SS18: variants seen among roughly 807,000 people sequenced by gnomAD.
SS18 encodes the protein SS18 subunit of BAF chromatin remodeling complex, also known as protein SSXT.
A neutral mutation model predicts 72.5 loss-of-function variants in SS18; 28 were observed. The ratio of observed to expected loss-of-function variants is 0.39; its 90% CI spans 0.29 to 0.53. The LOEUF (loss-of-function observed/expected upper bound fraction) is 0.53. Ranked by LOEUF, SS18 falls within the 20% of genes least tolerant of loss-of-function variation. The probability of loss-of-function intolerance (pLI) is 0.76; values close to 1 mark genes in which losing one functional copy is unlikely to be tolerated. For missense variants in SS18, 518 were observed against 535.3 expected (o/e 0.97, Z 0.32); for synonymous variants, 172 against 164.2 (o/e 1.05, Z -0.37).
chr18:26,074,378 A>C (rs2054371441), intron 3 of SS18, among the ~76,000 whole-genome samples: 1 of 151,952 alleles, frequency 6.6e-6, no homozygotes, highest in Non-Finnish European at 1.5e-5. Context: ...AAAATCTGAA[A>C]AGGCTATTAA....
chr18:26,049,483 G>A (rs2053884900), intron 5 of SS18, among the ~76,000 whole-genome samples: 1 of 152,154 alleles, frequency 6.6e-6, no homozygotes, highest in Non-Finnish European at 1.5e-5. Flanking sequence ...GTTTATGTAG[G>A]AAGATGGTGG....
Position 26,035,295 on chromosome 18 carries a change from CCAAA to C in SS18, c.974-172_974-169del, listed in dbSNP as rs2143856244. On this transcript the variant is annotated intron_variant, in intron 8 of 10. Coordinates refer to ENST00000415083, the MANE Select transcript of SS18 (RefSeq NM_001007559.3). The surrounding 1 kb of genome is among the most constrained non-coding windows in gnomAD (Gnocchi z 4.4). ...CTCAAACCAAACAGAAGGATTTCGG[CCAAA>C]CAAACTGCAGTTAAAGCCAATTTTG... is the stretch of plus-strand genomic sequence containing the variant. 7 of 885,652 alleles carry C rather than the reference CCAAA, an allele frequency of 7.9e-6. No homozygotes were observed. Among genetic ancestry groups the C allele is most frequent in the Admixed American group, 3.2e-5 (1 of 31,198 alleles). 54.9% of individuals were successfully genotyped at this position (885,652 alleles called of 1,614,324 possible).
At chr18:26,070,132 A>C (rs2054288555) in intron 3 of SS18, among the ~76,000 whole-genome samples, 1 of 152,194 alleles carries the variant, frequency 6.6e-6, no homozygotes. Context: ...ACAAAACTGC[A>C]CTTGTACCCA....
At chr18:26,072,533 T>A (rs1187863247) in intron 3 of SS18, among the ~76,000 whole-genome samples, 4 of 152,004 alleles carry the variant, frequency 2.6e-5, no homozygotes, top group Admixed American at 6.6e-5. Context: ...CACAATGATG[T>A]TGCAGGCGGC....
chr18:26,063,315 C>T (rs1039554524), intron 3 of SS18, among the ~76,000 whole-genome samples: 2 of 152,000 alleles, frequency 1.3e-5, no homozygotes, highest in Admixed American at 6.6e-5. Flanking sequence ...GTCAGGAGAT[C>T]GAGACCATCC....
At chr18:26,074,541 G>GT (rs1421349951) in intron 3 of SS18, among the ~76,000 whole-genome samples, 3 of 151,938 alleles carry the variant, frequency 2.0e-5, no homozygotes, top group Non-Finnish European at 2.9e-5. Context: ...TTGCAAAAAC[G>GT]TAACATGATG....
intron 4 of SS18, among the ~76,000 whole-genome samples, chr18:26,055,290 A>ATTTGAG (rs1359064417): frequency 6.6e-6 from 1 of 151,930 alleles, no homozygotes; most frequent in Admixed American, 6.6e-5. Context: ...AACATGGTGA[A>ATTTGAG]ACCCCATCTC....
At chr18:26,054,392 AC>A (rs1163658219) in intron 4 of SS18, among the ~76,000 whole-genome samples, 5 of 152,184 alleles carry the variant, frequency 3.3e-5, no homozygotes, top group Non-Finnish European at 5.9e-5. Context: ...CTAGAGATAT[AC>A]AAATTTTTGT....
At chr18:26,042,923 TCA>T (rs2053755106) in intron 5 of SS18, among the ~76,000 whole-genome samples, 1 of 152,170 alleles carries the variant, frequency 6.6e-6, no homozygotes, top group African/African-American at 2.4e-5. Flanking sequence ...TTTCACATCC[TCA>T]GATACAAACC....
chr18:26,057,818 A>T, intron 3 of SS18, 76 bp from the exon 4 acceptor site: 2 of 1,362,436 alleles, frequency 1.5e-6, no homozygotes, highest in Non-Finnish European at 1.9e-6. Flanking sequence ...AGAGTTGCTT[A>T]TGTTACTAAA....
chr18:26,072,387 T>A, intron 3 of SS18, among the ~76,000 whole-genome samples: 1 of 132,720 alleles, frequency 7.5e-6, no homozygotes, highest in African/African-American at 3.8e-5. Context: ...ATCCTACTCA[T>A]AATATCGTTA....
At chr18:26,079,307 A>C (rs1444208769) in intron 2 of SS18, among the ~76,000 whole-genome samples, 2 of 152,192 alleles carry the variant, frequency 1.3e-5, no homozygotes, top group African/African-American at 4.8e-5. Context: ...AATTTTAACA[A>C]ATTAACTGAC....
intron 3 of SS18, among the ~76,000 whole-genome samples, chr18:26,068,101 T>C (rs1212331912): frequency 2.0e-5 from 3 of 152,140 alleles, no homozygotes. Context: ...TGCAGCCCGG[T>C]TCCTAACAGG....
chr18:26,038,157 CTA>C (rs1427064355), intron 7 of SS18, among the ~76,000 whole-genome samples: 1 of 151,988 alleles, frequency 6.6e-6, no homozygotes, highest in Admixed American at 6.6e-5. Flanking sequence ...ACTATATACT[CTA>C]TGTATTTGTA....
At chr18:26,056,046 C>T (rs141881150) in intron 4 of SS18, among the ~76,000 whole-genome samples, 1 of 152,084 alleles carries the variant, frequency 6.6e-6, no homozygotes, top group Admixed American at 6.5e-5. Context: ...CGTGAGCCAC[C>T]GCGCCTGGCC....
intron 10 of SS18, among the ~76,000 whole-genome samples, chr18:26,026,834 T>C (rs1423271977): frequency 6.6e-6 from 1 of 152,158 alleles, no homozygotes; most frequent in African/African-American, 2.4e-5. Context: ...TTGTATATAC[T>C]AGCAACTAAT....
intron 9 of SS18, 28 bp downstream of exon 9, chr18:26,034,977 G>T: frequency 6.3e-7 from 1 of 1,586,148 alleles, no homozygotes. Context: ...TTTTTTTGGT[G>T]ATAAAAATAC....
At position 26,033,935 on chromosome 18, in the gene SS18, T is replaced by C. The variant is rs183670854; in HGVS notation, c.1096+1070A>G. Among the ~76,000 whole-genome samples, 149 of 152,296 alleles carry C rather than the reference T, an allele frequency of 9.8e-4. 1 individual carries two copies. The highest frequency in any genetic ancestry group is 6.8e-3 in the Middle Eastern group (2 of 294). ...AAGGCAATAAAACCAGAATATTGTA[T>C]TTATTCAAAGTATAAATACTAAGTA... On this transcript the variant is annotated intron_variant, in intron 9 of 10. Coordinates refer to ENST00000415083, the MANE Select transcript of SS18 (RefSeq NM_001007559.3).
At chr18:26,057,221 T>TA (rs1244220008) in intron 4 of SS18, among the ~76,000 whole-genome samples, 1 of 152,208 alleles carries the variant, frequency 6.6e-6, no homozygotes, top group Non-Finnish European at 1.5e-5. Context: ...AATATTTAAG[T>TA]AAATAAAAAC....
Sources: allele counts gnomAD v4.1 joint callset (sites outside exome capture counted in the v4.1 genomes callset), GRCh38; gene constraint gnomAD v4.1.1; non-coding constraint Gnocchi (gnomAD v3.1); transcripts MANE v1.5; gene names NCBI Gene and HGNC (gene_info 2026-07-23, HGNC 2026-07-21).